KIF2C: variants seen among roughly 807,000 people sequenced by gnomAD.
KIF2C encodes kinesin-like protein KIF2C.
In KIF2C, 34 loss-of-function variants were observed where a neutral mutation model predicts 97.4. The ratio of observed to expected loss-of-function variants is 0.35; its 90% CI spans 0.27 to 0.46. KIF2C has a LOEUF of 0.46. Among genes scored for constraint, KIF2C ranks in the 20% least tolerant of loss-of-function variants. KIF2C has a pLI of 1.00. For synonymous variants in KIF2C, 313 were observed against 318.2 expected, an observed-to-expected ratio of 0.98 and a Z score of 0.17; for missense variants, 750 against 907.6, an observed-to-expected ratio of 0.83 and a Z score of 2.23.
chr1:44,754,827 A>C lies in KIF2C; in HGVS notation c.741A>C (p.Pro247=), dbSNP rs773403044. Residue 247 remains proline, a synonymous_variant, in exon 8 of 21, where the codon CCA becomes CCC. Transcript: ENST00000372224. ...KEFRATLECH[P]LTMTDPIEEH... is the part of the protein sequence containing the mutation. Reference sequence around the variant, plus strand: ...TTCGGGCTACTTTGGAATGTCATCCACTTACTATGACTGATCCTGTAAGTA... The same window carrying C: ...TTCGGGCTACTTTGGAATGTCATCCCCTTACTATGACTGATCCTGTAAGTA... 6.2e-7 allele frequency: 1 copy of C among 1,603,208 alleles called. No homozygotes were observed. Among genetic ancestry groups the C allele is most frequent in the Non-Finnish European group, 8.5e-7 (1 of 1,170,040 alleles).
At chr1:44,765,456 A>G (rs903930287) in intron 19 of KIF2C, among the ~76,000 whole-genome samples, 7 of 143,382 alleles carry the variant, frequency 4.9e-5, no homozygotes, top group African/African-American at 2.0e-4. Flanking sequence ...CTTAAAGTAT[A>G]ATAATAAAAA....
At position 44,739,896 on chromosome 1, in the gene KIF2C, T is replaced by G. The variant is rs1648844879; in HGVS notation, c.-37T>G. On this transcript the variant is annotated 5_prime_UTR_variant, in exon 1 of 21. Coordinates refer to ENST00000372224, the MANE Select transcript of KIF2C (RefSeq NM_006845.4). ...TAGGGTTAGCGAAATTGAGGTTTCT[T>G]GGTATTGCGCGTTTCTCTTCCTTGC... is the stretch of plus-strand genomic sequence containing the variant. The G allele has an allele frequency of 6.3e-7, 1 of 1,579,898 alleles. No homozygotes were observed. The highest frequency in any genetic ancestry group is 8.7e-7 in the Non-Finnish European group (1 of 1,148,866).
At chr1:44,740,150 GC>G in intron 1 of KIF2C, 148 bp downstream of exon 1, 1 of 943,374 alleles carries the variant, frequency 1.1e-6, no homozygotes, top group Non-Finnish European at 1.7e-6. Context: ...CTCTGCACTG[GC>G]AGTCATTCTT....
intron 2 of KIF2C, chr1:44,746,882 G>T: frequency 2.0e-6 from 2 of 1,025,006 alleles, no homozygotes; most frequent in Non-Finnish European, 2.8e-6. Context: ...TTTCTATGTT[G>T]TTTTTTTGTT....
At chr1:44,764,476 C>CG (rs1650340863) in intron 19 of KIF2C, among the ~76,000 whole-genome samples, 1 of 151,344 alleles carries the variant, frequency 6.6e-6, no homozygotes, top group South Asian at 2.1e-4. Flanking sequence ...CATGCCCAGC[C>CG]TATATATCTG....
intron 4 of KIF2C, among the ~76,000 whole-genome samples, chr1:44,748,586 G>A (rs1649343103): frequency 6.6e-6 from 1 of 152,138 alleles, no homozygotes; most frequent in Non-Finnish European, 1.5e-5. Flanking sequence ...GGTTGTCCAT[G>A]CTGGAATACC....
At position 44,767,192 on chromosome 1, in the gene KIF2C, A is replaced by C. The variant is rs1003935256; in HGVS notation, c.*13A>C. On this transcript the variant is annotated 3_prime_UTR_variant, in exon 21 of 21. Coordinates refer to ENST00000372224, the MANE Select transcript of KIF2C (RefSeq NM_006845.4). ...ACGGCCCCAGTGACGACTGCAAATA[A>C]AAATCTGTTTGGTTTGACACCCAGC... 1.9e-6 allele frequency: 3 copies of C among 1,612,944 alleles called. No individual in the cohort carries two copies. Among genetic ancestry groups the C allele is most frequent in the African/African-American group, 2.7e-5 (2 of 74,910 alleles).
chr1:44,762,259 T>A, intron 17 of KIF2C, 87 bp from the exon 18 acceptor site: 1 of 1,253,856 alleles, frequency 8.0e-7, no homozygotes, highest in Non-Finnish European at 1.2e-6. Context: ...CCTTGGAGCC[T>A]CAAGCCTCGA....
At chr1:44,754,997 C>T (rs1293992767) in intron 8 of KIF2C, 152 bp downstream of exon 8, 1 of 591,704 alleles carries the variant, frequency 1.7e-6, no homozygotes, top group Non-Finnish European at 3.0e-6. Context: ...CTCTGTCACC[C>T]AGGCTGGAGT....
chr1:44,764,167 T>C (rs914548337), intron 19 of KIF2C, among the ~76,000 whole-genome samples: 6 of 152,064 alleles, frequency 3.9e-5, no homozygotes, highest in African/African-American at 1.2e-4. Flanking sequence ...CCAAAATATG[T>C]ACTCTCTCTC....
intron 2 of KIF2C, among the ~76,000 whole-genome samples, chr1:44,745,799 C>T (rs545092320): frequency 6.6e-6 from 1 of 152,128 alleles, no homozygotes; most frequent in East Asian, 1.9e-4. Flanking sequence ...CTTTGACTAC[C>T]TTCCCCCTGT....
At chr1:44,745,736 C>G (rs1056509243) in intron 2 of KIF2C, among the ~76,000 whole-genome samples, 7 of 151,930 alleles carry the variant, frequency 4.6e-5, no homozygotes, top group African/African-American at 1.7e-4. Flanking sequence ...TCCCAAAGTG[C>G]TGGGATTACA....
At chr1:44,755,223 G>T (rs1263011152) in intron 8 of KIF2C, among the ~76,000 whole-genome samples, 2 of 152,114 alleles carry the variant, frequency 1.3e-5, no homozygotes, top group Non-Finnish European at 2.9e-5. Flanking sequence ...TTCCCAAAGT[G>T]CTGGGATTAC....
At chr1:44,754,868 T>C (rs1362959732) in intron 8 of KIF2C, 23 bp downstream of exon 8, 1 of 1,422,638 alleles carries the variant, frequency 7.0e-7, no homozygotes, top group Non-Finnish European at 9.9e-7. Context: ...AAAGAACTTC[T>C]CTTTCTTAAG....
At chr1:44,743,337 T>C (rs897864021) in intron 2 of KIF2C, among the ~76,000 whole-genome samples, 5 of 152,160 alleles carry the variant, frequency 3.3e-5, no homozygotes, top group African/African-American at 1.2e-4. Flanking sequence ...AGTTTCCTCA[T>C]CTATAAAGTG....
intron 10 of KIF2C, among the ~76,000 whole-genome samples, 198 bp from the exon 11 acceptor site, chr1:44,757,358 C>T (rs1006895252): frequency 6.6e-6 from 1 of 152,160 alleles, no homozygotes; most frequent in African/African-American, 2.4e-5. Context: ...CCCCCAACAC[C>T]CATCCCACTG....
chr1:44,742,251 A>G (rs1468087052), intron 2 of KIF2C, among the ~76,000 whole-genome samples: 2 of 151,534 alleles, frequency 1.3e-5, no homozygotes, highest in Admixed American at 6.6e-5. Flanking sequence ...CTGGTACTAC[A>G]GGTGCCCGCC....
chr1:44,750,313 A>G lies in KIF2C; in HGVS notation c.317-129A>G, dbSNP rs185641164. ...TTCTAATTTTTCCTTTCTAAGGAAT[A>G]TGGGAAGTTGGCGAGCCCCTTTCCT... On this transcript the variant is annotated intron_variant, in intron 4 of 20. Transcript: ENST00000372224. 4.1e-6 allele frequency: 4 copies of G among 978,074 alleles called. No individual in the cohort carries two copies. In the African/African-American group the frequency reaches 6.7e-5, roughly 16 times the overall value. 60.6% of individuals were successfully genotyped at this position (978,074 alleles called of 1,614,324 possible). A position where few individuals can be genotyped will look rare whatever the true frequency, so the allele number is the denominator to read the frequency against.
chr1:44,745,464 C>CTTTTTTGTTTTTTTTTT, intron 2 of KIF2C, among the ~76,000 whole-genome samples: 1 of 38,348 alleles, frequency 2.6e-5, no homozygotes, highest in Non-Finnish European at 4.6e-5. Flanking sequence ...TTGTATATGT[C>CTTTTTTGTTTTTTTTTT]TTTTTTTTTT....
Sources: allele counts gnomAD v4.1 joint callset (sites outside exome capture counted in the v4.1 genomes callset), GRCh38; gene constraint gnomAD v4.1.1; transcripts MANE v1.5; gene names NCBI Gene and HGNC (gene_info 2026-07-23, HGNC 2026-07-21).